The following EPS15L1 variants were observed in gnomAD, a reference collection of about 807,000 sequenced individuals.
EPS15L1 encodes epidermal growth factor receptor substrate 15-like 1.
A neutral mutation model predicts 117.1 loss-of-function variants in EPS15L1; 43 were observed. That is an observed-to-expected ratio of 0.37 (90% CI 0.29 to 0.47). The LOEUF (loss-of-function observed/expected upper bound fraction) is 0.47, where lower values mean the gene tolerates loss of function less well. EPS15L1 is among the 20% of genes least tolerant of loss of function. The probability of loss-of-function intolerance (pLI) is 0.99; values close to 1 mark genes in which losing one functional copy is unlikely to be tolerated. For missense variants in EPS15L1, 981 were observed against 1,164.0 expected (o/e 0.84, Z 2.29); for synonymous variants, 459 against 470.5 (o/e 0.98, Z 0.32).
chr19:16,433,947 A>G (rs888794063), intron 7 of EPS15L1, among the ~76,000 whole-genome samples: 2 of 151,232 alleles, frequency 1.3e-5, no homozygotes, highest in African/African-American at 4.9e-5. Context: ...TAGGCAACAG[A>G]GCAAGACTCC....
At chr19:16,364,681 C>T (rs1034296905) in intron 22 of EPS15L1, among the ~76,000 whole-genome samples, 5 of 152,226 alleles carry the variant, frequency 3.3e-5, no homozygotes, top group Admixed American at 2.0e-4. Context: ...TCCTAAGGGA[C>T]GGGCAGGCAG....
At position 16,355,726 on chromosome 19, in the gene EPS15L1, C is replaced by G; in HGVS notation, c.2712G>C (p.Lys904Asn). ...EDLELAIALSKADMPAA is the reference protein window; with the variant it reads ...EDLELAIALSNADMPAA ...TCGCCTAGGCGGCAGGCATGTCAGC[C>G]TTGCTGAGCGCGATGGCCAGTTCCA... The change falls in exon 24 of 24, where the codon AAG becomes AAC. Residue 904 changes from lysine (K) to asparagine (N), a missense_variant. By Grantham distance (94) the Lys-to-Asn change is moderately conservative. Transcript: ENST00000455140. 1 of 1,535,906 alleles carries G rather than the reference C, an allele frequency of 6.5e-7. No individual in the cohort carries two copies. Among genetic ancestry groups the G allele is most frequent in the Non-Finnish European group, 8.7e-7 (1 of 1,146,738 alleles).
Position 16,405,061 on chromosome 19 carries a change from C to T in EPS15L1, c.1267-312G>A, listed in dbSNP as rs1406673247. ...CCCGGATGACATGCAGCTGTGGCTGCGGAGGGGAACATCACCCAAACGCAA... is the reference window on the plus strand; with the variant it reads ...CCCGGATGACATGCAGCTGTGGCTGTGGAGGGGAACATCACCCAAACGCAA... On this transcript the variant is annotated intron_variant, in intron 13 of 23. Transcript: ENST00000455140. This position sits in a 1 kb window ranked among gnomAD's most constrained non-coding sequence, Gnocchi z 4.0. Among the ~76,000 whole-genome samples, 4 of 152,182 alleles carry T rather than the reference C, an allele frequency of 2.6e-5. No individual in the cohort carries two copies. Among genetic ancestry groups the T allele is most frequent in the East Asian group, 1.9e-4 (1 of 5,196 alleles).
chr19:16,468,204 G>A (rs1451616159), intron 1 of EPS15L1, among the ~76,000 whole-genome samples: 4 of 152,174 alleles, frequency 2.6e-5, no homozygotes, highest in African/African-American at 7.2e-5. Context: ...GGCAGCATAC[G>A]GCAGGAGCTC....
Position 16,404,544 on chromosome 19 carries a change from C to T in EPS15L1, c.1428+44G>A, listed in dbSNP as rs1231814573. 3.1e-6 allele frequency: 5 copies of T among 1,608,718 alleles called. No individual in the cohort carries two copies. The African/African-American group carries it at 6.7e-5, about 21-fold the overall frequency. ...GCTCAGGGGAGTCCTTGGGAAGCCCCTGCCTGTGCATAGGGCGCTGCCCCG... is the reference window on the plus strand; with the variant it reads ...GCTCAGGGGAGTCCTTGGGAAGCCCTTGCCTGTGCATAGGGCGCTGCCCCG... On this transcript the variant is annotated intron_variant, in intron 14 of 23. Coordinates refer to ENST00000455140, the MANE Select transcript of EPS15L1 (RefSeq NM_001258374.3). This position sits in a 1 kb window ranked among gnomAD's most constrained non-coding sequence, Gnocchi z 4.2.
At chr19:16,361,337 G>A (rs1166291400) in intron 23 of EPS15L1, among the ~76,000 whole-genome samples, 1 of 152,016 alleles carries the variant, frequency 6.6e-6, no homozygotes, top group Non-Finnish European at 1.5e-5. Context: ...GGCACAAAAT[G>A]CATGGGGCGG....
At chr19:16,431,599 G>A (rs1169301249) in intron 7 of EPS15L1, among the ~76,000 whole-genome samples, 1 of 152,092 alleles carries the variant, frequency 6.6e-6, no homozygotes, top group Non-Finnish European at 1.5e-5. Flanking sequence ...ACCGTACCGG[G>A]CCAGAAGGAA....
At chr19:16,389,516 T>C (rs1314611013) in intron 19 of EPS15L1, among the ~76,000 whole-genome samples, 1 of 152,078 alleles carries the variant, frequency 6.6e-6, no homozygotes, top group African/African-American at 2.4e-5. Context: ...CTAAAGAAAG[T>C]TCTTTAGGCT....
intron 22 of EPS15L1, among the ~76,000 whole-genome samples, chr19:16,363,761 A>G (rs574324584): frequency 6.6e-6 from 1 of 152,352 alleles, no homozygotes; most frequent in East Asian, 1.9e-4. Flanking sequence ...GCCAGTGAGA[A>G]CCTGGCCCGT....
intron 13 of EPS15L1, chr19:16,412,856 A>C: frequency 1.8e-6 from 1 of 557,002 alleles, no homozygotes. Flanking sequence ...TGCAGAGGCA[A>C]GGCCGAGGAT....
In EPS15L1 at chr19:16,403,833, T is replaced by G; in HGVS notation, c.1526A>C (p.Gln509Pro). The G allele has an allele frequency of 6.2e-7, 1 of 1,614,204 alleles. No individual in the cohort carries two copies. Among genetic ancestry groups the G allele is most frequent in the Non-Finnish European group, 8.5e-7 (1 of 1,180,048 alleles). The change falls in exon 15 of 24, where the codon CAG becomes CCG. Residue 509 changes from glutamine (Q) to proline (P), a missense_variant. Gln to Pro is a moderately conservative substitution (Grantham distance 76, BLOSUM62 -1). Coordinates refer to ENST00000455140, the MANE Select transcript of EPS15L1 (RefSeq NM_001258374.3). ...NRAKSELNRL[Q>P]QEETQLEQSI... The stretch of plus-strand genomic sequence containing the variant: ...CTGCTCCAGCTGGGTTTCCTCCTGC[T>G]GCAATCGGTTCAGCTCCGACTTGGC...
intron 21 of EPS15L1, among the ~76,000 whole-genome samples, chr19:16,378,078 C>T (rs1300426229): frequency 1.3e-5 from 2 of 151,820 alleles, no homozygotes; most frequent in African/African-American, 2.4e-5. Context: ...AATGGATAGA[C>T]ATATATGTGG....
chr19:16,408,203 C>T (rs2092674928), intron 13 of EPS15L1, among the ~76,000 whole-genome samples: 1 of 152,178 alleles, frequency 6.6e-6, no homozygotes, highest in African/African-American at 2.4e-5. Flanking sequence ...GACCCACCAG[C>T]TCGAGGTTAG....
chr19:16,418,779 T>G (rs2092785385), intron 10 of EPS15L1, among the ~76,000 whole-genome samples: 1 of 152,046 alleles, frequency 6.6e-6, no homozygotes, highest in Admixed American at 6.6e-5. Flanking sequence ...CCCAGAAGGC[T>G]CTCTCTGCTC....
At chr19:16,401,481 A>T (rs985460904) in intron 16 of EPS15L1, 1 of 985,680 alleles carries the variant, frequency 1.0e-6, no homozygotes, top group East Asian at 1.1e-4. Flanking sequence ...GGCAGCACGG[A>T]GAGAGCTGCT....
intron 13 of EPS15L1, chr19:16,413,187 G>A (rs953783256): frequency 1.5e-5 from 10 of 654,192 alleles, no homozygotes; most frequent in Admixed American, 6.3e-5. Context: ...CATTGTCCCC[G>A]TGTGCAGAGG....
At chr19:16,390,678 A>G in intron 19 of EPS15L1, among the ~76,000 whole-genome samples, 1 of 152,328 alleles carries the variant, frequency 6.6e-6, no homozygotes, top group African/African-American at 2.4e-5. Flanking sequence ...ATCAATAATA[A>G]TAGTATTATA....
chr19:16,377,119 G>C lies in EPS15L1; in HGVS notation c.2380+3C>G, dbSNP rs973558407. ...TGGCTGCGAGAGAAGAAAGCTTACT[G>C]ACCGCTGGGCGGTTTAGGCCGTGGA... On this transcript the variant is annotated splice_donor_region_variant and intron_variant, in intron 22 of 23. Transcript: ENST00000455140. The C allele has an allele frequency of 1.3e-6, 2 of 1,590,386 alleles. No individual in the cohort carries two copies. The highest frequency in any genetic ancestry group is 1.7e-6 in the Non-Finnish European group (2 of 1,171,112).
chr19:16,378,570 C>T (rs1200515196), intron 21 of EPS15L1, among the ~76,000 whole-genome samples: 1 of 152,172 alleles, frequency 6.6e-6, no homozygotes, highest in African/African-American at 2.4e-5. Flanking sequence ...CACAGAGACA[C>T]GCTTCCAGGC....
Sources: gnomAD v4.1 joint callset for allele counts (sites outside exome capture counted in the v4.1 genomes callset) on GRCh38, gnomAD v4.1.1 for gene constraint, Gnocchi (gnomAD v3.1) non-coding constraint, MANE v1.5 for transcripts, NCBI Gene and HGNC (gene_info 2026-07-23, HGNC 2026-07-21) for gene names.